Variants in FAAH2 observed in about 807,000 individuals in gnomAD.
The protein encoded by FAAH2 is fatty-acid amide hydrolase 2.
FAAH2 carries 60 observed loss-of-function variants against 36.9 expected under a neutral mutation model. The observed-to-expected ratio is 1.63, with a 90% confidence interval of 1.32 to 2.02. The LOEUF is 2.02. Among genes scored for constraint, FAAH2 ranks in the 30% most tolerant of loss-of-function variants. The pLI is 0.00. For missense variants in FAAH2, 689 were observed against 397.5 expected, an observed-to-expected ratio of 1.73 and a Z score of -6.23; for synonymous variants, 214 against 143.8, an observed-to-expected ratio of 1.49 and a Z score of -3.49.
chrX:57,190,539 G>A, the FAAH2 span, among the ~76,000 whole-genome samples: 1 of 110,457 alleles, frequency 9.1e-6, no homozygotes, highest in Non-Finnish European at 1.9e-5. Flanking sequence ...TGGTGGTGTA[G>A]GCACATAAGG....
intron 7 of FAAH2, among the ~76,000 whole-genome samples, chrX:57,429,522 C>T (rs1209836600): frequency 9.0e-6 from 1 of 110,772 alleles, no homozygotes; most frequent in East Asian, 2.8e-4. Flanking sequence ...ACTAAGAAGT[C>T]AAAAAATAAC....
Position 57,488,738 on chromosome X carries a change from T to C in FAAH2, c.1424-19T>C, listed in dbSNP as rs772798506. The C allele has an allele frequency of 2.5e-6, 3 of 1,204,421 alleles. No homozygotes were observed. On this transcript the variant is annotated intron_variant, in intron 10 of 10. Transcript: ENST00000374900. The stretch of plus-strand genomic sequence containing the variant: ...GGAACAGGTCTTGATTTCTCACTTA[T>C]TTTGTTTGTTTTCTTCAGGTGTCTT...
chrX:57,188,906 T>C, the FAAH2 span, among the ~76,000 whole-genome samples: 1 of 111,429 alleles, frequency 9.0e-6, no homozygotes, highest in African/African-American at 3.3e-5. Context: ...GTGTTCTCTG[T>C]ATTTCCTGAA....
intron 7 of FAAH2, chrX:57,393,375 G>A: frequency 1.4e-6 from 1 of 734,142 alleles, no homozygotes. Flanking sequence ...ACGTGAGGGT[G>A]GAGACCGGAA....
chrX:57,349,270 CATATATACAT>C (rs2053926373), intron 5 of FAAH2, among the ~76,000 whole-genome samples: 3 of 89,480 alleles, frequency 3.4e-5, no homozygotes, highest in Non-Finnish European at 6.4e-5. Flanking sequence ...TATGTATATA[CATATATACAT>C]ATATACATAT....
At chrX:57,308,590 A>G (rs1355811925) in intron 2 of FAAH2, among the ~76,000 whole-genome samples, 1 of 111,747 alleles carries the variant, frequency 8.9e-6, no homozygotes, top group African/African-American at 3.2e-5. Flanking sequence ...GTTGTTTATT[A>G]CATCACATGA....
chrX:57,395,102 C>T, intron 7 of FAAH2: 1 of 544,567 alleles, frequency 1.8e-6, no homozygotes, highest in Non-Finnish European at 3.4e-6. Context: ...TTGTCTGAGT[C>T]TAGAGATAGC....
intron 1 of FAAH2, chrX:57,290,432 C>T (rs759424097): frequency 8.7e-6 from 2 of 230,320 alleles, no homozygotes; most frequent in Non-Finnish European, 1.2e-5. Flanking sequence ...ACCTACTAGA[C>T]GCATAATTCT....
chrX:57,244,113 T>C, the FAAH2 span, among the ~76,000 whole-genome samples: 1 of 107,085 alleles, frequency 9.3e-6, no homozygotes, highest in Non-Finnish European at 1.9e-5. Flanking sequence ...CAAGTATCAA[T>C]AGCTGAATCA....
chrX:57,123,569 A>T, the FAAH2 span, among the ~76,000 whole-genome samples: 15 of 112,235 alleles, frequency 1.3e-4, no homozygotes, highest in Middle Eastern at 4.7e-3. Context: ...AACCCTGAGG[A>T]ATCGCCACGC....
At chrX:57,310,036 A>G (rs189839547) in intron 2 of FAAH2, among the ~76,000 whole-genome samples, 1 of 112,533 alleles carries the variant, frequency 8.9e-6, no homozygotes, top group East Asian at 2.8e-4. Context: ...ACTAATTTAC[A>G]TTCTCACCAA....
intron 8 of FAAH2, among the ~76,000 whole-genome samples, chrX:57,444,670 G>A (rs1319760360): frequency 1.8e-5 from 2 of 111,264 alleles, no homozygotes; most frequent in Admixed American, 9.6e-5. Flanking sequence ...CTTCTGTGTC[G>A]CTCATGCTTG....
chrX:57,257,381 A>G, the FAAH2 span, among the ~76,000 whole-genome samples: 1 of 111,834 alleles, frequency 8.9e-6, no homozygotes, highest in Admixed American at 9.5e-5. Context: ...GGATTTGTTC[A>G]TGTCCTTTGC....
the FAAH2 span, among the ~76,000 whole-genome samples, chrX:57,221,240 A>G: frequency 1.8e-5 from 2 of 110,692 alleles, no homozygotes; most frequent in South Asian, 3.9e-4. Context: ...TTCCACTTCC[A>G]CATTCCCCAT....
At position 57,489,099 on chromosome X, in the gene FAAH2, T is replaced by A; in HGVS notation, c.*167T>A. The A allele has an allele frequency of 7.5e-6, 4 of 530,518 alleles. No homozygotes were observed. Among genetic ancestry groups the A allele is most frequent in the Non-Finnish European group, 8.4e-6 (3 of 355,357 alleles). The allele number at this position is 530,518 out of a possible 1,213,427, so 43.7% of individuals were successfully genotyped here. A position where few individuals can be genotyped will look rare whatever the true frequency, so the allele number is the denominator to read the frequency against. ...TTTTATTTCCTTCTCTAACTGTTGG[T>A]CTTACTAAAATGGTAATATTTGCTT... On this transcript the variant is annotated 3_prime_UTR_variant, in exon 11 of 11. Coordinates refer to ENST00000374900, the MANE Select transcript of FAAH2 (RefSeq NM_174912.4).
At chrX:57,158,931 T>G in the FAAH2 span, among the ~76,000 whole-genome samples, 1 of 112,489 alleles carries the variant, frequency 8.9e-6, no homozygotes, top group Non-Finnish European at 1.9e-5. Context: ...TGCCATGTCC[T>G]GAATGGTATT....
At chrX:57,330,279 G>A (rs1462177083) in intron 3 of FAAH2, among the ~76,000 whole-genome samples, 1 of 111,445 alleles carries the variant, frequency 9.0e-6, no homozygotes, top group African/African-American at 3.3e-5. Flanking sequence ...CCCAAGGGTG[G>A]GTCTCTAAAA....
chrX:57,381,682 C>A (rs1439555540), intron 7 of FAAH2: 1 of 133,537 alleles, frequency 7.5e-6, no homozygotes, highest in Non-Finnish European at 1.4e-5. Flanking sequence ...TAAAGCAAGT[C>A]CTTAGAGACC....
the FAAH2 span, among the ~76,000 whole-genome samples, chrX:57,155,647 TC>T: frequency 8.9e-6 from 1 of 112,195 alleles, no homozygotes; most frequent in East Asian, 2.8e-4. Context: ...TTTCACGTCA[TC>T]CCCCAAGTTC....
Sources: gnomAD v4.1 joint callset for allele counts (sites outside exome capture counted in the v4.1 genomes callset) on GRCh38, gnomAD v4.1.1 for gene constraint, MANE v1.5 for transcripts, NCBI Gene and HGNC (gene_info 2026-07-23, HGNC 2026-07-21) for gene names.